The following CDH13 variants were observed in gnomAD, a reference collection of about 807,000 sequenced individuals.
The protein encoded by CDH13 is cadherin 13, also known as cadherin-13.
CDH13 carries 24 observed loss-of-function variants against 63.8 expected under a neutral mutation model. The observed-to-expected ratio is 0.38, with a 90% CI of 0.27 to 0.53. CDH13 has a LOEUF of 0.53. Among genes scored for constraint, CDH13 ranks in the 20% least tolerant of loss-of-function variants. The pLI is 0.85. For missense variants in CDH13, 1,049 were observed against 903.1 expected, an observed-to-expected ratio of 1.16 and a Z score of -2.07; for synonymous variants, 503 against 355.3, an observed-to-expected ratio of 1.42 and a Z score of -4.67.
At chr16:83,540,502 G>C (rs1414649761) in intron 7 of CDH13, among the ~76,000 whole-genome samples, 4 of 152,138 alleles carry the variant, frequency 2.6e-5, no homozygotes, top group African/African-American at 9.7e-5. Flanking sequence ...AAGCTCAGGG[G>C]TGCCTTTGCT....
At chr16:82,995,734 G>A (rs1223888253) in intron 2 of CDH13, among the ~76,000 whole-genome samples, 1 of 152,158 alleles carries the variant, frequency 6.6e-6, no homozygotes, top group African/African-American at 2.4e-5. Flanking sequence ...CTGGAAGCAG[G>A]AAGCCACTGC....
At chr16:82,928,158 TCGTGTATGTG>T (rs1395245043) in intron 2 of CDH13, among the ~76,000 whole-genome samples, 48 of 68,142 alleles carry the variant, frequency 7.0e-4, no homozygotes, top group African/African-American at 1.4e-3. Flanking sequence ...AAGTAGGCAG[TCGTGTATGTG>T]TGTGTGTGTG....
At chr16:82,760,952 C>A (rs1597494970) in intron 1 of CDH13, among the ~76,000 whole-genome samples, 1 of 150,044 alleles carries the variant, frequency 6.7e-6, no homozygotes, top group African/African-American at 2.4e-5. Context: ...AGGGATCTAC[C>A]CCCATAAGCC....
intron 2 of CDH13, among the ~76,000 whole-genome samples, chr16:82,870,985 T>C (rs948025009): frequency 6.6e-6 from 1 of 152,190 alleles, no homozygotes; most frequent in African/African-American, 2.4e-5. Flanking sequence ...GGCATCTAAA[T>C]TCACCTTCAG....
At chr16:82,785,879 G>C (rs2151124250) in intron 1 of CDH13, among the ~76,000 whole-genome samples, 1 of 152,294 alleles carries the variant, frequency 6.6e-6, no homozygotes, top group South Asian at 2.1e-4. Context: ...CTTACAGATG[G>C]AACTATGGTG....
chr16:83,699,862 C>T (rs1259342536), intron 10 of CDH13, among the ~76,000 whole-genome samples: 1 of 152,204 alleles, frequency 6.6e-6, no homozygotes, highest in Non-Finnish European at 1.5e-5. Flanking sequence ...TACCCAGCCT[C>T]AGCACATATT....
chr16:83,599,115 A>G (rs1341329066), intron 7 of CDH13, among the ~76,000 whole-genome samples: 1 of 152,214 alleles, frequency 6.6e-6, no homozygotes, highest in African/African-American at 2.4e-5. Flanking sequence ...GGGAATTATA[A>G]CATAGGTACC....
chr16:83,263,568 T>TA (rs911834273), intron 5 of CDH13, among the ~76,000 whole-genome samples: 56 of 152,024 alleles, frequency 3.7e-4, no homozygotes, highest in African/African-American at 6.7e-4. Context: ...TGGTTTGATA[T>TA]AAAAAAAACA....
chr16:82,951,226 G>A (rs1179317683), intron 2 of CDH13, among the ~76,000 whole-genome samples: 1 of 152,134 alleles, frequency 6.6e-6, no homozygotes, highest in Non-Finnish European at 1.5e-5. Context: ...GAGCTGGCAA[G>A]AGGATATCTC....
Position 83,286,337 on chromosome 16 carries a change from A to G in CDH13, c.637-58525A>G, listed in dbSNP as rs550182097. Among the ~76,000 whole-genome samples, 51 of 152,222 alleles carry G rather than the reference A, an allele frequency of 3.4e-4. 1 individual carries two copies. Among genetic ancestry groups the G allele is most frequent in the African/African-American group, 1.1e-3 (47 of 41,536 alleles). ...TTTTTCCATTTTTATGGTGAACCCA[A>G]AGAGTTCTATCCTCAGGGCATCTGC... On this transcript the variant is annotated intron_variant, in intron 5 of 13. Coordinates refer to ENST00000567109, the MANE Select transcript of CDH13 (RefSeq NM_001257.5).
intron 5 of CDH13, among the ~76,000 whole-genome samples, chr16:83,270,815 A>G (rs2088780893): frequency 6.6e-6 from 1 of 152,008 alleles, no homozygotes; most frequent in African/African-American, 2.4e-5. Context: ...TGTCAAAGAC[A>G]TTTTTGCAGA....
At position 82,783,917 on chromosome 16, in the gene CDH13, AAG is replaced by A. The variant is rs1429519514; in HGVS notation, c.46-74443_46-74442del. ...AGAAAGAAACGGATATAATTAGAAA[AAG>A]AAAAAAATACTAATGTCTTCACAAT... On this transcript the variant is annotated intron_variant, in intron 1 of 13. Coordinates refer to ENST00000567109, the MANE Select transcript of CDH13 (RefSeq NM_001257.5). Among the ~76,000 whole-genome samples, 7 of 152,240 alleles carry A rather than the reference AAG, an allele frequency of 4.6e-5. No homozygotes were observed. The East Asian group carries it at 1.4e-3, about 29-fold the overall frequency.
chr16:82,724,833 G>T (rs1334944798), intron 1 of CDH13, among the ~76,000 whole-genome samples: 1 of 152,180 alleles, frequency 6.6e-6, no homozygotes, highest in Non-Finnish European at 1.5e-5. Flanking sequence ...TGAATCTAGA[G>T]TCAGACTGAT....
intron 3 of CDH13, among the ~76,000 whole-genome samples, chr16:83,033,077 A>G (rs565513732): frequency 5.3e-5 from 8 of 152,342 alleles, no homozygotes; most frequent in African/African-American, 1.9e-4. Context: ...AGGCATATGT[A>G]CCATATACTT....
chr16:83,224,194 A>T (rs2039779967), intron 5 of CDH13, among the ~76,000 whole-genome samples: 1 of 152,318 alleles, frequency 6.6e-6, no homozygotes, highest in South Asian at 2.1e-4. Flanking sequence ...GCTGAGTACT[A>T]TTCTACCATA....
At chr16:83,213,368 A>G (rs919970992) in intron 4 of CDH13, among the ~76,000 whole-genome samples, 6 of 152,182 alleles carry the variant, frequency 3.9e-5, no homozygotes, top group Non-Finnish European at 8.8e-5. Flanking sequence ...TGGCAGGCAG[A>G]GAAACGGGAG....
At chr16:83,242,430 C>T (rs1361875653) in intron 5 of CDH13, among the ~76,000 whole-genome samples, 1 of 152,004 alleles carries the variant, frequency 6.6e-6, no homozygotes, top group Non-Finnish European at 1.5e-5. Context: ...TTTCTGACAT[C>T]AAAAGATTTT....
At chr16:83,762,670 C>A (rs1267783519) in intron 11 of CDH13, among the ~76,000 whole-genome samples, 1 of 152,144 alleles carries the variant, frequency 6.6e-6, no homozygotes, top group Non-Finnish European at 1.5e-5. Context: ...CATCGTTGGC[C>A]GCTGCTTCTT....
chr16:83,374,572 A>T (rs564950598), intron 6 of CDH13, among the ~76,000 whole-genome samples: 1 of 152,226 alleles, frequency 6.6e-6, no homozygotes, highest in Non-Finnish European at 1.5e-5. Context: ...AGCGTAAAGA[A>T]CATCTGAGTT....
Sources: allele counts gnomAD v4.1 joint callset (sites outside exome capture counted in the v4.1 genomes callset), GRCh38; gene constraint gnomAD v4.1.1; transcripts MANE v1.5; gene names NCBI Gene and HGNC (gene_info 2026-07-23, HGNC 2026-07-21).